Variants in WNT4 observed in about 807,000 individuals in gnomAD.
The protein encoded by WNT4 is Wnt family member 4.
WNT4 carries 16 observed loss-of-function variants against 34.5 expected under a neutral mutation model. That is an observed-to-expected ratio of 0.46 (90% confidence interval 0.31 to 0.70). WNT4 has a LOEUF of 0.70. WNT4 is among the 30% of genes least tolerant of loss of function. The pLI is 0.04. For missense variants in WNT4, 379 were observed against 495.9 expected, an observed-to-expected ratio of 0.76 and a Z score of 2.24; for synonymous variants, 200 against 211.9, an observed-to-expected ratio of 0.94 and a Z score of 0.49.
At position 22,137,093 on chromosome 1, in the gene WNT4, G is replaced by A. The variant is rs886064491; in HGVS notation, c.77+5753C>T. On this transcript the variant is annotated intron_variant, in intron 1 of 4. Transcript: ENST00000290167. This position sits in a 1 kb window ranked among gnomAD's most constrained non-coding sequence, Gnocchi z 5.3. ...CTCCAAAGATACATGTGAGCTGTCCGAGGCTCCTCTCCCCTGGAGGACGCA... is the reference window on the plus strand; with the variant it reads ...CTCCAAAGATACATGTGAGCTGTCCAAGGCTCCTCTCCCCTGGAGGACGCA... 5.9e-5 allele frequency among the ~76,000 whole-genome samples: 9 copies of A among 152,138 alleles called. No individual in the cohort carries two copies. Among genetic ancestry groups the A allele is most frequent in the African/African-American group, 1.2e-4 (5 of 41,430 alleles).
At chr1:22,138,953 T>C (rs1255198004) in intron 1 of WNT4, among the ~76,000 whole-genome samples, 1 of 152,142 alleles carries the variant, frequency 6.6e-6, no homozygotes, top group Non-Finnish European at 1.5e-5. Context: ...ATGGAAAGCA[T>C]GATGCGTCCT....
chr1:22,123,124 T>G (rs564412791), intron 2 of WNT4, among the ~76,000 whole-genome samples: 1 of 152,222 alleles, frequency 6.6e-6, no homozygotes, highest in African/African-American at 2.4e-5. Flanking sequence ...TTTCCAGGCC[T>G]GAACCAGCAC....
At chr1:22,135,208 G>A (rs1359292745) in intron 1 of WNT4, among the ~76,000 whole-genome samples, 1 of 152,232 alleles carries the variant, frequency 6.6e-6, no homozygotes, top group African/African-American at 2.4e-5. Flanking sequence ...GCATCACAGA[G>A]TGGATGCATG....
In WNT4 at chr1:22,120,068, C is replaced by T. The variant is rs1169943178; in HGVS notation, c.1038G>A (p.Glu346=). 1 of 1,608,786 alleles carries T rather than the reference C, an allele frequency of 6.2e-7. No homozygotes were observed. Among genetic ancestry groups the T allele is most frequent in the Non-Finnish European group, 8.5e-7 (1 of 1,179,594 alleles). Residue 346 remains glutamate, a synonymous_variant, in exon 5 of 5, where the codon GAG becomes GAA. Transcript: ENST00000290167. ...CAGGCGGTCATCGGCACGTGTGCAA[C>T]TCCACGAGCCGCTGGCACTGCCGGC... The part of the protein sequence containing the change: ...VKCRQCQRLV[E]LHTCR
rs1646027679 is a variant in WNT4, at chr1:22,137,061, T to C, written c.77+5785A>G. 6.6e-6 allele frequency among the ~76,000 whole-genome samples: 1 copy of C among 152,142 alleles called. No individual in the cohort carries two copies. The highest frequency in any genetic ancestry group is 6.5e-5 in the Admixed American group (1 of 15,278). On this transcript the variant is annotated intron_variant, in intron 1 of 4. Coordinates refer to ENST00000290167, the MANE Select transcript of WNT4 (RefSeq NM_030761.5). The surrounding 1 kb of genome is among the most constrained non-coding windows in gnomAD (Gnocchi z 5.3). ...CCCATCAGCATTCCTGCTGTTCTAA[T>C]GGGCCTCTCCAAAGATACATGTGAG...
Position 22,120,496 on chromosome 1 carries a change from C to T in WNT4, c.610G>A (p.Val204Met), listed in dbSNP as rs1302800042. The T allele has an allele frequency of 6.2e-7, 1 of 1,613,050 alleles. No individual in the cohort carries two copies. The highest frequency in any genetic ancestry group is 8.5e-7 in the Non-Finnish European group (1 of 1,179,812). The change falls in exon 5 of 5, where the codon GTG (valine) becomes ATG (methionine). Residue 204 changes from valine to methionine, a missense_variant. By Grantham distance (21) the Val-to-Met change is conservative. Around this residue, in one of 2 missense-constraint regions of WNT4, gnomAD observed 313 missense variants for 445.8 expected, o/e 0.70. Coordinates refer to ENST00000290167, the MANE Select transcript of WNT4 (RefSeq NM_030761.5). ...GACACCCCGTGGCACTTGCATTCCACCCGCATGTGTGTCAGGATGGCCTGT... is the reference window on the plus strand; with the variant it reads ...GACACCCCGTGGCACTTGCATTCCATCCGCATGTGTGTCAGGATGGCCTGT... The part of the protein sequence containing the change: ...GRKAILTHMR[V>M]ECKCHGVSGS...
At chr1:22,129,896 T>C (rs1180553062) in intron 1 of WNT4, 45 bp from the exon 2 acceptor site, 10 of 1,605,118 alleles carry the variant, frequency 6.2e-6, no homozygotes, top group South Asian at 2.2e-5. Context: ...CTCCTCATCT[T>C]TCCTGGCCCC....
chr1:22,131,212 C>T (rs1645981283), intron 1 of WNT4, among the ~76,000 whole-genome samples: 1 of 152,232 alleles, frequency 6.6e-6, no homozygotes. Flanking sequence ...AGCCAGGGTG[C>T]AGCTGGGGAG....
In WNT4 at chr1:22,119,177, T is replaced by TGTGTCC. The variant is rs1645871998; in HGVS notation, c.*872_*873insGGACAC. 1 of 139,596 alleles carries TGTGTCC rather than the reference T, an allele frequency of 7.2e-6. No homozygotes were observed. The highest frequency in any genetic ancestry group is 2.9e-5 in the African/African-American group (1 of 35,026). 8.6% of individuals were successfully genotyped at this position (139,596 alleles called of 1,614,324 possible). ...TTCCTCCCTCTCTCTCGCAGGTGTGTGTGTGTGTCCGTGTGTGTGTGTGTG... is the reference window on the plus strand; with the variant it reads ...TTCCTCCCTCTCTCTCGCAGGTGTGTGTGTCCGTGTGTGTCCGTGTGTGTGTGTGTG... On this transcript the variant is annotated 3_prime_UTR_variant, in exon 5 of 5. Transcript: ENST00000290167.
At position 22,120,281 on chromosome 1, in the gene WNT4, A is replaced by G; in HGVS notation, c.825T>C (p.Pro275=). Residue 275 remains proline (P), a synonymous_variant, in exon 5 of 5, where the codon CCT becomes CCC. Transcript: ENST00000290167. ...HTDEDLVYLE[P]SPDFCEQDMR... ...TGTCCTGCTCACAGAAGTCGGGGCT[A>G]GGCTCCAAGTACACCAGGTCCTCAT... 6.2e-7 allele frequency: 1 copy of G among 1,614,218 alleles called. No homozygotes were observed. The highest frequency in any genetic ancestry group is 8.5e-7 in the Non-Finnish European group (1 of 1,180,030).
In WNT4 at chr1:22,142,704, G is replaced by GGAGC; in HGVS notation, c.77+138_77+141dup. The GGAGC allele has an allele frequency of 2.0e-6, 1 of 505,358 alleles. No homozygotes were observed. Among genetic ancestry groups the GGAGC allele is most frequent in the Non-Finnish European group, 2.6e-6 (1 of 391,616 alleles). 31.3% of individuals were successfully genotyped at this position (505,358 alleles called of 1,614,324 possible). ...ACGTTCGGGCCGTGGCGGCGGCAGC[G>GGAGC]GAGCGAGCGAGCCTCCGGTCCCGCG... On this transcript the variant is annotated intron_variant, in intron 1 of 4. Transcript: ENST00000290167. This position sits in a 1 kb window ranked among gnomAD's most constrained non-coding sequence, Gnocchi z 6.0.
intron 2 of WNT4, 140 bp downstream of exon 2, chr1:22,129,476 T>C: frequency 9.7e-7 from 1 of 1,035,824 alleles, no homozygotes; most frequent in South Asian, 1.4e-5. Flanking sequence ...GCATCCTTTA[T>C]GCCCTCACTT....
At chr1:22,127,786 A>C (rs1645951789) in intron 2 of WNT4, among the ~76,000 whole-genome samples, 1 of 152,248 alleles carries the variant, frequency 6.6e-6, no homozygotes, top group African/African-American at 2.4e-5. Flanking sequence ...TCCCACAGCA[A>C]GAACAAAGAG....
chr1:22,130,300 C>T (rs1645973549), intron 1 of WNT4, among the ~76,000 whole-genome samples: 1 of 152,216 alleles, frequency 6.6e-6, no homozygotes, highest in Non-Finnish European at 1.5e-5. Flanking sequence ...TGATCCTTGG[C>T]TGATCTTCTG....
chr1:22,127,891 A>G (rs192576745), intron 2 of WNT4, among the ~76,000 whole-genome samples: 17 of 152,310 alleles, frequency 1.1e-4, no homozygotes, highest in African/African-American at 3.4e-4. Flanking sequence ...GGTGGAGGAC[A>G]TTGCATATGC....
chr1:22,141,813 TC>T (rs1646070086), intron 1 of WNT4, among the ~76,000 whole-genome samples: 1 of 152,152 alleles, frequency 6.6e-6, no homozygotes, highest in East Asian at 1.9e-4. Context: ...GAGAATTTTT[TC>T]CTCTCTCCCT....
rs1042595076 is a variant in WNT4, at chr1:22,136,611, T to G, written c.77+6235A>C. 7.9e-5 allele frequency among the ~76,000 whole-genome samples: 12 copies of G among 152,220 alleles called. 1 individual carries two copies. The highest frequency in any genetic ancestry group is 1.2e-4 in the Non-Finnish European group (8 of 67,990). ...ATCCCCCCAGCAGAGAATAACTGGCTGGGGGTACAGGGCTGCAGGGCTGCA... is the reference window on the plus strand; with the variant it reads ...ATCCCCCCAGCAGAGAATAACTGGCGGGGGGTACAGGGCTGCAGGGCTGCA... On this transcript the variant is annotated intron_variant, in intron 1 of 4. Coordinates refer to ENST00000290167, the MANE Select transcript of WNT4 (RefSeq NM_030761.5).
At chr1:22,136,412 A>G (rs906310957) in intron 1 of WNT4, among the ~76,000 whole-genome samples, 3 of 152,174 alleles carry the variant, frequency 2.0e-5, no homozygotes, top group Non-Finnish European at 4.4e-5. Flanking sequence ...GGTTGGGGAA[A>G]GAGGAGGGAC....
intron 2 of WNT4, among the ~76,000 whole-genome samples, chr1:22,123,083 G>A (rs1211859496): frequency 6.6e-6 from 1 of 152,236 alleles, no homozygotes; most frequent in African/African-American, 2.4e-5. Flanking sequence ...CGCCCAAAGA[G>A]AGACGACTTC....
Sources: gnomAD v4.1 joint callset for allele counts (sites outside exome capture counted in the v4.1 genomes callset) on GRCh38, gnomAD v4.1.1 for gene constraint, gnomAD v4.1.1 regional missense constraint, Gnocchi (gnomAD v3.1) non-coding constraint, MANE v1.5 for transcripts, NCBI Gene and HGNC (gene_info 2026-07-23, HGNC 2026-07-21) for gene names.